Variants in FUS observed in about 807,000 individuals in gnomAD.
FUS encodes the protein FUS RNA binding protein.
Under a neutral mutation model 82.7 loss-of-function variants are expected in FUS, and 5 were observed. The ratio of observed to expected loss-of-function variants is 0.06; its 90% CI spans 0.03 to 0.13. The LOEUF is 0.13. Among genes scored for constraint, FUS ranks in the 10% least tolerant of loss-of-function variants. The pLI, the probability that FUS is intolerant of heterozygous loss-of-function variation, is 1.00. For synonymous variants in FUS, 281 were observed against 247.4 expected (o/e 1.14, Z -1.27); for missense variants, 512 against 707.8 (o/e 0.72, Z 3.14).
At position 31,186,559 on chromosome 16, in the gene FUS, AATAG is replaced by A. The variant is rs1182744978; in HGVS notation, c.765-239_765-236del. ...AATGGGTTATTTTTTTTCCAGAGGAAATAGATAACGTAACCTTTTAAAGCAAAAT... is the reference window on the plus strand; with the variant it reads ...AATGGGTTATTTTTTTTCCAGAGGAAATAACGTAACCTTTTAAAGCAAAAT... On this transcript the variant is annotated intron_variant, in intron 6 of 14. Transcript: ENST00000254108. 6 of 572,400 alleles carry A rather than the reference AATAG, an allele frequency of 1.0e-5. No individual in the cohort carries two copies. The Admixed American group carries it at 1.5e-4, about 14-fold the overall frequency. 35.5% of individuals were successfully genotyped at this position (572,400 alleles called of 1,614,324 possible).
At chr16:31,194,126 C>G (rs1482656556), downstream of FUS, 1 of 532,642 alleles carries the variant, frequency 1.9e-6, no homozygotes, top group Admixed American at 2.2e-5. Context: ...GCTTTTTTCC[C>G]CATCTTGTGC....
At chr16:31,194,783 C>T (rs1412557572), downstream of FUS, 3 of 481,074 alleles carry the variant, frequency 6.2e-6, no homozygotes, top group African/African-American at 5.9e-5. Context: ...TTATTTCAGC[C>T]CTTTTATGCT....
chr16:31,183,659 C>G, intron 3 of FUS, 199 bp from the exon 4 acceptor site: 1 of 650,298 alleles, frequency 1.5e-6, no homozygotes, highest in Non-Finnish European at 2.7e-6. Flanking sequence ...TGGAACTGTA[C>G]TAAAGAGTTG....
At chr16:31,191,215 G>T in intron 14 of FUS, 105 bp downstream of exon 14, 1 of 1,521,438 alleles carries the variant, frequency 6.6e-7, no homozygotes, top group African/African-American at 1.4e-5. Flanking sequence ...TAGGTGGAAA[G>T]ACCTGAGGTT....
Position 31,181,394 on chromosome 16 carries a change from TG to T in FUS, c.14-1003del, listed in dbSNP as rs1194038158. 5.9e-5 allele frequency among the ~76,000 whole-genome samples: 9 copies of T among 152,298 alleles called. No individual in the cohort carries two copies. The South Asian group carries it at 1.9e-3, about 32-fold the overall frequency. Reference sequence around the variant, plus strand: ...TTTCAAAAGCGCTTTTGTTGCTTTTTGTTCGCTGGGGGAAGGCAGGGTAGGT... The same window carrying T: ...TTTCAAAAGCGCTTTTGTTGCTTTTTTTCGCTGGGGGAAGGCAGGGTAGGT... On this transcript the variant is annotated intron_variant, in intron 1 of 14. Coordinates refer to ENST00000254108, the MANE Select transcript of FUS (RefSeq NM_004960.4).
At chr16:31,190,210 TGGAA>T in intron 11 of FUS, 61 bp from the exon 12 acceptor site, 1 of 1,613,842 alleles carries the variant, frequency 6.2e-7, no homozygotes. Context: ...AAGGCTTGCA[TGGAA>T]TGGGTTAGAT....
At chr16:31,190,454 T>C (rs2144137188) in intron 12 of FUS, 56 bp downstream of exon 12, 1 of 1,611,810 alleles carries the variant, frequency 6.2e-7, no homozygotes, top group East Asian at 2.2e-5. Context: ...CTTTGATATA[T>C]TGGTACTGAG....
chr16:31,190,526 C>T, intron 12 of FUS, 128 bp downstream of exon 12: 1 of 1,434,016 alleles, frequency 7.0e-7, no homozygotes, highest in Non-Finnish European at 9.8e-7. Flanking sequence ...CAGATTTAGC[C>T]AAAAGCTTAC....
downstream of FUS, chr16:31,193,619 T>C: frequency 1.9e-6 from 1 of 529,538 alleles, no homozygotes; most frequent in Non-Finnish European, 3.7e-6. Context: ...GGCCTTGACC[T>C]TAAAAGGAAA....
In FUS at chr16:31,190,959, C is replaced by T; in HGVS notation, c.1394-4C>T. ...TATGATAGATCTTGTTTCTTTTGTCCTAGGGGGTAACTACGGGGATGATCG... is the reference window on the plus strand; with the variant it reads ...TATGATAGATCTTGTTTCTTTTGTCTTAGGGGGTAACTACGGGGATGATCG... On this transcript the variant is annotated splice_region_variant and splice_polypyrimidine_tract_variant and intron_variant, in intron 13 of 14. Transcript: ENST00000254108. 6.2e-7 allele frequency: 1 copy of T among 1,611,960 alleles called. No individual in the cohort carries two copies. The highest frequency in any genetic ancestry group is 2.2e-5 in the East Asian group (1 of 44,830).
chr16:31,185,695 AT>A, intron 6 of FUS: 1 of 424,394 alleles, frequency 2.4e-6, no homozygotes. Flanking sequence ...ACCGACATTG[AT>A]TTTGTGTGTG....
chr16:31,190,638 T>C (rs2079340669), intron 12 of FUS, 104 bp from the exon 13 acceptor site: 1 of 1,266,032 alleles, frequency 7.9e-7, no homozygotes, highest in South Asian at 1.2e-5. Flanking sequence ...TTTCTGAAGC[T>C]TCAGTTTCCT....
intron 7 of FUS, chr16:31,187,076 G>T: frequency 1.7e-6 from 1 of 584,744 alleles, no homozygotes; most frequent in Non-Finnish European, 3.1e-6. Context: ...TTAATAAGAG[G>T]GGTCTAGTAG....
At chr16:31,187,101 C>A in intron 7 of FUS, 1 of 542,866 alleles carries the variant, frequency 1.8e-6, no homozygotes, top group Non-Finnish European at 3.3e-6. Flanking sequence ...TGGACTGGGC[C>A]GTTGCCACAC....
In FUS at chr16:31,183,964, C is replaced by G; in HGVS notation, c.297C>G (p.Gly99=). Residue 99 remains glycine, a synonymous_variant, in exon 4 of 15, where the codon GGC becomes GGG. Transcript: ENST00000254108. ...ACGGGCAGCAGTCCTCCTACCCTGG[C>G]TATGGCCAGCAGCCAGCTCCCAGCA... ...SSYGQQSSYP[G]YGQQPAPSST... 1 of 1,614,000 alleles carries G rather than the reference C, an allele frequency of 6.2e-7. No homozygotes were observed.
At position 31,191,010 on chromosome 16, in the gene FUS, C is replaced by A. The variant is rs1046637065; in HGVS notation, c.1441C>A (p.Arg481=). Residue 481 remains arginine (R), a synonymous_variant, in exon 14 of 15, where the codon CGA becomes AGA. Coordinates refer to ENST00000254108, the MANE Select transcript of FUS (RefSeq NM_004960.4). ...DRRGGRGGYD[R]GGYRGRGGDR... Reference sequence around the variant, plus strand: ...TCGTGGTGGCAGAGGAGGCTATGATCGAGGCGGCTACCGGGGCCGCGGCGG... The same window carrying A: ...TCGTGGTGGCAGAGGAGGCTATGATAGAGGCGGCTACCGGGGCCGCGGCGG... 2.5e-5 allele frequency: 40 copies of A among 1,613,488 alleles called. No individual in the cohort carries two copies. The highest frequency in any genetic ancestry group is 8.9e-5 in the East Asian group (4 of 44,874).
At position 31,182,595 on chromosome 16, in the gene FUS, T is replaced by C; in HGVS notation, c.121T>C (p.Tyr41His). 6.2e-7 allele frequency: 1 copy of C among 1,614,214 alleles called. No homozygotes were observed. The change falls in exon 3 of 15, where the codon TAT becomes CAT. Residue 41 changes from tyrosine (Y) to histidine (H), a missense_variant. Tyr to His is a moderately conservative substitution (Grantham distance 83, BLOSUM62 2). Around this residue, in one of 6 missense-constraint regions of FUS, gnomAD observed 276 missense variants for 303.3 expected, o/e 0.91. Coordinates refer to ENST00000254108, the MANE Select transcript of FUS (RefSeq NM_004960.4). ...CTACGGACAGCAGAGTTACAGTGGT[T>C]ATAGCCAGTCCACGGACACTTCAGG... ...QPYGQQSYSGYSQSTDTSGYG... is the reference protein window; with the variant it reads ...QPYGQQSYSGHSQSTDTSGYG...
chr16:31,189,599 G>A, intron 9 of FUS, 66 bp from the exon 10 acceptor site: 1 of 1,607,340 alleles, frequency 6.2e-7, no homozygotes, highest in Non-Finnish European at 8.5e-7. Context: ...ATGTTCTAGA[G>A]GAAGAAGATG....
rs777229832 is a variant in FUS at position 31,188,369 on chromosome 16, C to T, written c.832+12C>T. On this transcript the variant is annotated intron_variant, in intron 8 of 14. Transcript: ENST00000254108. The stretch of plus-strand genomic sequence containing the variant: ...ACGTCATGACTCCGGTGAGTTCACA[C>T]GTGGTGGCATGAAAAGAGTGGCTAA... 11 of 1,613,064 alleles carry T rather than the reference C, an allele frequency of 6.8e-6. No individual in the cohort carries two copies. The highest frequency in any genetic ancestry group is 3.3e-5 in the Admixed American group (2 of 59,922).
Sources: gnomAD v4.1 joint callset for allele counts (sites outside exome capture counted in the v4.1 genomes callset) on GRCh38, gnomAD v4.1.1 for gene constraint, gnomAD v4.1.1 regional missense constraint, MANE v1.5 for transcripts, NCBI Gene and HGNC (gene_info 2026-07-23, HGNC 2026-07-21) for gene names.